Variants in CSMD1 observed in about 807,000 individuals in gnomAD.
CSMD1 encodes CUB and sushi domain-containing protein 1.
A neutral mutation model predicts 417.5 loss-of-function variants in CSMD1; 213 were observed. That is an observed-to-expected ratio of 0.51 (90% CI 0.46 to 0.57). The LOEUF (loss-of-function observed/expected upper bound fraction) is 0.57, where lower values mean the gene tolerates loss of function less well. Among genes scored for constraint, CSMD1 ranks in the 20% least tolerant of loss-of-function variants. The probability of loss-of-function intolerance (pLI) is 0.00; values close to 1 mark genes in which losing one functional copy is unlikely to be tolerated. For missense variants in CSMD1, 6,923 were observed against 4,529.7 expected (o/e 1.53, Z -15.17); for synonymous variants, 2,862 against 1,736.8 (o/e 1.65, Z -16.11).
intron 26 of CSMD1, among the ~76,000 whole-genome samples, chr8:3,239,732 G>T (rs771921433): frequency 6.6e-6 from 1 of 152,208 alleles, no homozygotes; most frequent in Non-Finnish European, 1.5e-5. Flanking sequence ...GGCGTGGGGC[G>T]ATTAGGCCTG....
At chr8:3,441,510 T>TATAC (rs1369666489) in intron 12 of CSMD1, among the ~76,000 whole-genome samples, 6 of 147,046 alleles carry the variant, frequency 4.1e-5, no homozygotes, top group African/African-American at 1.5e-4. Flanking sequence ...TATATATATA[T>TATAC]ACACACACAC....
chr8:4,793,299 C>T (rs752012579), intron 1 of CSMD1, among the ~76,000 whole-genome samples: 1 of 152,114 alleles, frequency 6.6e-6, no homozygotes, highest in Non-Finnish European at 1.5e-5. Context: ...AGAACCTATT[C>T]TCTCAAATGA....
rs374372985 is a variant in CSMD1, at chr8:3,142,643, G to C, written c.6063C>G (p.Thr2021=). ...TTTCAAGGAAGTCATGATTAGCTTC[G>C]GTAGAAAAATTCAGAAACTGAATAT... ...GAHIQFLNFS[T]EANHDFLEIQ... is the part of the protein sequence containing the mutation. Residue 2021 remains threonine, a synonymous_variant, in exon 41 of 70, where the codon ACC becomes ACG. Coordinates refer to ENST00000635120, the MANE Select transcript of CSMD1 (RefSeq NM_033225.6). The C allele has an allele frequency of 3.1e-6, 5 of 1,613,586 alleles. No individual in the cohort carries two copies. Among genetic ancestry groups the C allele is most frequent in the Middle Eastern group, 1.6e-4 (1 of 6,070 alleles).
intron 28 of CSMD1, among the ~76,000 whole-genome samples, chr8:3,223,323 T>C (rs924699758): frequency 3.9e-5 from 6 of 152,206 alleles, no homozygotes; most frequent in African/African-American, 1.2e-4. Flanking sequence ...ATAATGATAT[T>C]AGCAGTGCTA....
chr8:4,202,690 G>C (rs867375364), intron 3 of CSMD1, among the ~76,000 whole-genome samples: 2 of 152,270 alleles, frequency 1.3e-5, no homozygotes, highest in East Asian at 1.9e-4. Context: ...CAGTGAAAGA[G>C]GGAGAACCAC....
intron 1 of CSMD1, among the ~76,000 whole-genome samples, chr8:4,981,189 T>C (rs1344768940): frequency 6.6e-6 from 1 of 152,146 alleles, no homozygotes; most frequent in African/African-American, 2.4e-5. Flanking sequence ...CGCTTTACCA[T>C]GGAAACACAT....
intron 1 of CSMD1, among the ~76,000 whole-genome samples, chr8:4,836,785 G>A (rs1563543911): frequency 6.6e-6 from 1 of 151,842 alleles, no homozygotes; most frequent in Non-Finnish European, 1.5e-5. Context: ...CTCCTGTGTG[G>A]ACACACTGAT....
At chr8:4,638,502 G>A (rs1455224286) in intron 1 of CSMD1, among the ~76,000 whole-genome samples, 1 of 152,148 alleles carries the variant, frequency 6.6e-6, no homozygotes, top group African/African-American at 2.4e-5. Flanking sequence ...AGCAAAACGA[G>A]GACTGTAACA....
rs922463349 is a variant in CSMD1, at chr8:4,239,390, G to C, written c.415+180563C>G. On this transcript the variant is annotated intron_variant, in intron 3 of 69. Transcript: ENST00000635120. ...GCTGTTTTCTCATTTGGCCATGGTT[G>C]GGATCTATCTAACTGTGATTCATCT... Among the ~76,000 whole-genome samples, 3 of 152,136 alleles carry C rather than the reference G, an allele frequency of 2.0e-5. No homozygotes were observed. The South Asian group carries it at 6.2e-4, about 32-fold the overall frequency.
intron 3 of CSMD1, among the ~76,000 whole-genome samples, chr8:4,381,160 T>C (rs938813188): frequency 6.6e-6 from 1 of 152,166 alleles, no homozygotes; most frequent in African/African-American, 2.4e-5. Context: ...AGTCAATTTT[T>C]AAAAATATGT....
intron 5 of CSMD1, among the ~76,000 whole-genome samples, chr8:3,855,798 G>C (rs933480706): frequency 2.6e-5 from 4 of 152,120 alleles, no homozygotes; most frequent in Non-Finnish European, 5.9e-5. Context: ...GCTTTCTGTA[G>C]AATTTTTACT....
intron 1 of CSMD1, among the ~76,000 whole-genome samples, chr8:4,890,475 G>A (rs1182038354): frequency 6.6e-6 from 1 of 150,620 alleles, no homozygotes; most frequent in Non-Finnish European, 1.5e-5. Flanking sequence ...ACCCTCTTCT[G>A]CTTCAGGTCC....
In CSMD1 at chr8:3,272,302, G is replaced by T. The variant is rs1194057505; in HGVS notation, c.4153+11842C>A. On this transcript the variant is annotated intron_variant, in intron 26 of 69. Transcript: ENST00000635120. ...TCCATTGATCTATATCTCTGTTTTG[G>T]TACCAGTACCATGCTGTTTTGGTTA... is the stretch of plus-strand genomic sequence containing the variant. Among the ~76,000 whole-genome samples, 2 of 145,214 alleles carry T rather than the reference G, an allele frequency of 1.4e-5. 1 individual carries two copies. Among genetic ancestry groups the T allele is most frequent in the Non-Finnish European group, 3.0e-5 (2 of 65,738 alleles).
intron 1 of CSMD1, among the ~76,000 whole-genome samples, chr8:4,784,597 C>T (rs1430798400): frequency 1.3e-5 from 2 of 152,110 alleles, no homozygotes; most frequent in African/African-American, 2.4e-5. Flanking sequence ...ATTTCACTTA[C>T]TGTTAAATTT....
intron 3 of CSMD1, among the ~76,000 whole-genome samples, chr8:4,075,640 G>T (rs574900667): frequency 8.0e-4 from 122 of 152,272 alleles, no homozygotes; most frequent in African/African-American, 2.8e-3. Context: ...CTCACACTGT[G>T]TTGGGGAAAT....
rs1481410246 is a variant in CSMD1 at position 3,411,946 on chromosome 8, G to A, written c.1562-2341C>T. ...CGTATATATACACGTATATATGCACGTATATATACACGTATATATGCACGT... is the reference window on the plus strand; with the variant it reads ...CGTATATATACACGTATATATGCACATATATATACACGTATATATGCACGT... On this transcript the variant is annotated intron_variant, in intron 12 of 69. Coordinates refer to ENST00000635120, the MANE Select transcript of CSMD1 (RefSeq NM_033225.6). 3.0e-4 allele frequency among the ~76,000 whole-genome samples: 18 copies of A among 59,954 alleles called. 4 individuals are homozygous for A. The highest frequency in any genetic ancestry group is 4.2e-4 in the Non-Finnish European group (12 of 28,468). The allele number at this position is 59,954 out of a possible 152,430, so 39.3% of individuals were successfully genotyped here.
chr8:4,112,443 T>G (rs1436404911), intron 3 of CSMD1, among the ~76,000 whole-genome samples: 1 of 152,122 alleles, frequency 6.6e-6, no homozygotes, highest in East Asian at 1.9e-4. Flanking sequence ...GAGGATGTGT[T>G]CCCTCCCCAT....
intron 5 of CSMD1, among the ~76,000 whole-genome samples, chr8:3,766,108 A>G (rs927100515): frequency 2.0e-5 from 3 of 152,178 alleles, no homozygotes; most frequent in Non-Finnish European, 2.9e-5. Context: ...AAGTAATTCG[A>G]TAAGACAGTC....
chr8:4,000,559 G>C (rs911182115), intron 4 of CSMD1, among the ~76,000 whole-genome samples: 1 of 152,148 alleles, frequency 6.6e-6, no homozygotes, highest in African/African-American at 2.4e-5. Context: ...AACTAAAAGT[G>C]ACTCATACTC....
Sources: gnomAD v4.1 joint callset for allele counts (sites outside exome capture counted in the v4.1 genomes callset) on GRCh38, gnomAD v4.1.1 for gene constraint, MANE v1.5 for transcripts, NCBI Gene and HGNC (gene_info 2026-07-23, HGNC 2026-07-21) for gene names.